Variants in DIS3L2 observed in about 807,000 individuals in gnomAD.
DIS3L2 encodes the protein DIS3 like 3'-5' exoribonuclease 2.
In DIS3L2, 34 loss-of-function variants were observed where a neutral mutation model predicts 97.5. That is an observed-to-expected ratio of 0.35 (90% CI 0.27 to 0.46). The LOEUF is 0.46. Ranked by LOEUF, DIS3L2 falls within the 20% of genes least tolerant of loss-of-function variation. The pLI is 1.00. For missense variants in DIS3L2, 1,038 were observed against 1,146.0 expected (o/e 0.91, Z 1.36); for synonymous variants, 435 against 445.2 (o/e 0.98, Z 0.29).
At chr2:232,096,347 A>G (rs529793606) in intron 6 of DIS3L2, among the ~76,000 whole-genome samples, 89 of 150,076 alleles carry the variant, frequency 5.9e-4, no homozygotes, top group Non-Finnish European at 9.8e-4. Context: ...CGGCCTCCCA[A>G]AGTGCTGGGA....
intron 13 of DIS3L2, among the ~76,000 whole-genome samples, chr2:232,270,860 GT>G (rs1693971531): frequency 9.6e-6 from 1 of 103,818 alleles, no homozygotes; most frequent in Non-Finnish European, 2.0e-5. Context: ...TCTTTTTCTC[GT>G]CTCTCTCTCT....
chr2:232,209,359 G>T (rs942712658), intron 9 of DIS3L2, among the ~76,000 whole-genome samples: 1 of 152,142 alleles, frequency 6.6e-6, no homozygotes. Flanking sequence ...TTGAACAGAG[G>T]AGCAACACCA....
chr2:232,329,788 C>CCGGGGGGGG, intron 14 of DIS3L2, 25 bp from the exon 15 acceptor site: 71 of 1,080,566 alleles, frequency 6.6e-5, no homozygotes, highest in Non-Finnish European at 7.9e-5. Flanking sequence ...CCAGCGGTCC[C>CCGGGGGGGG]TCCCATCCCA....
At position 232,135,508 on chromosome 2, in the gene DIS3L2, G is replaced by A. The variant is rs544560941; in HGVS notation, c.703-964G>A. On this transcript the variant is annotated intron_variant, in intron 7 of 20. Transcript: ENST00000325385. ...CACAGCCTTCTTGAAAGAGGGCACA[G>A]CAGTTTGTTTAAAATAGCTGTTTTT... Among the ~76,000 whole-genome samples the A allele has an allele frequency of 8.5e-5, 13 of 152,310 alleles. No individual in the cohort carries two copies. The South Asian group carries it at 2.7e-3, about 32-fold the overall frequency.
intron 11 of DIS3L2, among the ~76,000 whole-genome samples, chr2:232,242,147 GA>G (rs1243008739): frequency 1.3e-5 from 2 of 152,220 alleles, no homozygotes; most frequent in Admixed American, 6.5e-5. Flanking sequence ...TGTTGATATG[GA>G]AAAGAAAACT....
chr2:232,037,503 C>T lies in DIS3L2; in HGVS notation c.366+7423C>T, dbSNP rs1430542495. 6.6e-6 allele frequency among the ~76,000 whole-genome samples: 1 copy of T among 152,212 alleles called. No individual in the cohort carries two copies. Among genetic ancestry groups the T allele is most frequent in the Non-Finnish European group, 1.5e-5 (1 of 68,030 alleles). On this transcript the variant is annotated intron_variant, in intron 5 of 20. Coordinates refer to ENST00000325385, the MANE Select transcript of DIS3L2 (RefSeq NM_152383.5). This position sits in a 1 kb window ranked among gnomAD's most constrained non-coding sequence, Gnocchi z 4.6. Reference sequence around the variant, plus strand: ...GGGTGGGATCCGCTGAGCTAGACCACTTGGCTCTCTGGCTTCAACCCCTTT... The same window carrying T: ...GGGTGGGATCCGCTGAGCTAGACCATTTGGCTCTCTGGCTTCAACCCCTTT...
chr2:232,238,411 T>C (rs1692990132), intron 10 of DIS3L2, 122 bp from the exon 11 acceptor site: 1 of 708,880 alleles, frequency 1.4e-6, no homozygotes, highest in African/African-American at 1.8e-5. Context: ...CAAGACTAGA[T>C]GTGTCACCTA....
At chr2:232,004,388 C>G (rs955361707) in intron 1 of DIS3L2, among the ~76,000 whole-genome samples, 15 of 151,978 alleles carry the variant, frequency 9.9e-5, no homozygotes, top group African/African-American at 3.1e-4. Context: ...TATGTTTGAC[C>G]TTTTGTTGTT....
At chr2:232,127,275 C>A (rs1410629880) in intron 6 of DIS3L2, among the ~76,000 whole-genome samples, 1 of 152,178 alleles carries the variant, frequency 6.6e-6, no homozygotes, top group East Asian at 1.9e-4. Context: ...AATAGAACCA[C>A]CTCCGAAATA....
intron 14 of DIS3L2, among the ~76,000 whole-genome samples, chr2:232,315,843 G>A (rs1294275883): frequency 6.6e-6 from 1 of 152,146 alleles, no homozygotes; most frequent in Non-Finnish European, 1.5e-5. Context: ...GCCCAACACA[G>A]CAAGGCCTGG....
At chr2:232,233,863 A>G (rs1362252003) in intron 10 of DIS3L2, among the ~76,000 whole-genome samples, 5 of 152,238 alleles carry the variant, frequency 3.3e-5, no homozygotes, top group East Asian at 3.8e-4. Context: ...ACTGGAGTTA[A>G]TGGCTTAGTG....
At chr2:232,184,370 G>A (rs549317171) in intron 9 of DIS3L2, among the ~76,000 whole-genome samples, 80 of 152,158 alleles carry the variant, frequency 5.3e-4, no homozygotes, top group Non-Finnish European at 9.1e-4. Flanking sequence ...AAATAAGGTC[G>A]GGTGCGTGGC....
At chr2:232,286,255 G>C (rs1168979779) in intron 13 of DIS3L2, among the ~76,000 whole-genome samples, 1 of 152,148 alleles carries the variant, frequency 6.6e-6, no homozygotes, top group African/African-American at 2.4e-5. Context: ...AGCGTCACTG[G>C]GTCATAAAAT....
rs1400617552 is a variant in DIS3L2, at chr2:232,096,711, C to T, written c.601+8990C>T. ...TGATCAGTTTTGCTATTAAAAGACT[C>T]TGATGTGTTCTTCAGTATGTCAGTT... On this transcript the variant is annotated intron_variant, in intron 6 of 20. Coordinates refer to ENST00000325385, the MANE Select transcript of DIS3L2 (RefSeq NM_152383.5). Among the ~76,000 whole-genome samples, 3 of 150,044 alleles carry T rather than the reference C, an allele frequency of 2.0e-5. No individual in the cohort carries two copies. In the East Asian group the frequency reaches 7.2e-4, roughly 36 times the overall value.
intron 13 of DIS3L2, among the ~76,000 whole-genome samples, chr2:232,283,305 G>A (rs1037996342): frequency 6.6e-6 from 1 of 152,184 alleles, no homozygotes; most frequent in South Asian, 2.1e-4. Context: ...TCTGCTGCCC[G>A]GGCTGGAGTG....
intron 5 of DIS3L2, among the ~76,000 whole-genome samples, chr2:232,078,007 TTCTTTCTTTCTTTTTCTCTTTC>T (rs1696263658): frequency 7.4e-6 from 1 of 136,022 alleles, no homozygotes; most frequent in African/African-American, 2.9e-5. Context: ...CTTTCTTTCT[TTCTTTCTTTCTTTTTCTCTTTC>T]TCTTTCTCTT....
chr2:232,127,769 A>G lies in DIS3L2; in HGVS notation c.602-2850A>G, dbSNP rs186327914. Among the ~76,000 whole-genome samples, 430 of 152,260 alleles carry G rather than the reference A, an allele frequency of 2.8e-3. 5 individuals carry two copies. Among genetic ancestry groups the G allele is most frequent in the Admixed American group, 0.026 (392 of 15,294 alleles). ...TTTGTTCTGGTCCTTGATTGTGTGA[A>G]GAACTTCCTGCCTTTACCCTTTCCT... On this transcript the variant is annotated intron_variant, in intron 6 of 20. Coordinates refer to ENST00000325385, the MANE Select transcript of DIS3L2 (RefSeq NM_152383.5).
intron 13 of DIS3L2, 50 bp from the exon 14 acceptor site, chr2:232,299,990 G>A (rs776437054): frequency 6.4e-7 from 1 of 1,555,528 alleles, no homozygotes; most frequent in Non-Finnish European, 8.9e-7. Flanking sequence ...CTATTGGAAT[G>A]AATAGAGCAT....
At chr2:232,200,132 AAAAG>A (rs1249882258) in intron 9 of DIS3L2, among the ~76,000 whole-genome samples, 1 of 152,206 alleles carries the variant, frequency 6.6e-6, no homozygotes, top group Admixed American at 6.5e-5. Context: ...GGGAACTGGA[AAAAG>A]AAAGATATAA....
Sources: gnomAD v4.1 joint callset for allele counts (sites outside exome capture counted in the v4.1 genomes callset) on GRCh38, gnomAD v4.1.1 for gene constraint, Gnocchi (gnomAD v3.1) non-coding constraint, MANE v1.5 for transcripts, NCBI Gene and HGNC (gene_info 2026-07-23, HGNC 2026-07-21) for gene names.